CLRN1: variants seen among roughly 807,000 people sequenced by gnomAD.
The protein encoded by CLRN1 is clarin 1, also known as clarin-1.
A neutral mutation model predicts 18.7 loss-of-function variants in CLRN1; 15 were observed. The ratio of observed to expected loss-of-function variants is 0.80; its 90% confidence interval spans 0.54 to 1.23. The LOEUF is 1.23. Ranked by LOEUF, CLRN1 falls within the 50% of genes most tolerant of loss-of-function variation. The pLI is 0.00. For missense variants in CLRN1, 311 were observed against 277.5 expected (o/e 1.12, Z -0.86); for synonymous variants, 104 against 102.9 (o/e 1.01, Z -0.07).
At chr3:150,969,314 T>TATATATATATATATATATATATATATA (rs1491446852) in intron 1 of CLRN1, among the ~76,000 whole-genome samples, 5 of 35,880 alleles carry the variant, frequency 1.4e-4, no homozygotes, top group East Asian at 2.0e-3. Context: ...TATATATATA[T>TATATATATATATATATATATATATATA]TTTTTTTTTT....
intron 2 of CLRN1, among the ~76,000 whole-genome samples, chr3:150,938,862 T>C (rs1180982829): frequency 3.3e-5 from 5 of 152,218 alleles, no homozygotes; most frequent in African/African-American, 1.2e-4. Context: ...GTGCTCAGGT[T>C]CTCCTTGCAT....
intron 1 of CLRN1, among the ~76,000 whole-genome samples, chr3:150,967,063 AC>A (rs1311599654): frequency 6.6e-6 from 1 of 152,142 alleles, no homozygotes; most frequent in African/African-American, 2.4e-5. Context: ...GCAGAGACCC[AC>A]CTCAAATCCA....
In CLRN1 at chr3:150,931,779, T is replaced by C. The variant is rs114713654; in HGVS notation, c.434-3578A>G. Among the ~76,000 whole-genome samples the C allele has an allele frequency of 2.2e-3, 332 of 152,308 alleles. 2 individuals carry two copies. The highest frequency in any genetic ancestry group is 7.7e-3 in the African/African-American group (321 of 41,556). Reference sequence around the variant, plus strand: ...GTCTCTCTCCTCTTTTTCCCAGTTATCCATGTACACCAAGAGCCCAAATTC... The same window carrying C: ...GTCTCTCTCCTCTTTTTCCCAGTTACCCATGTACACCAAGAGCCCAAATTC... On this transcript the variant is annotated intron_variant, in intron 2 of 2. Transcript: ENST00000327047.
chr3:150,972,843 T>G, upstream of CLRN1: 2 of 1,203,496 alleles, frequency 1.7e-6, no homozygotes, highest in Non-Finnish European at 2.4e-6. Context: ...AACTTCACCA[T>G]CGACGGTTCT....
intron 2 of CLRN1, among the ~76,000 whole-genome samples, chr3:150,940,828 T>C (rs1416168745): frequency 6.6e-6 from 1 of 152,218 alleles, no homozygotes; most frequent in Admixed American, 6.5e-5. Flanking sequence ...GCCCTAGCTA[T>C]TGAGTAGCAC....
chr3:150,945,267 A>G (rs1228193442), intron 1 of CLRN1, among the ~76,000 whole-genome samples: 4 of 152,238 alleles, frequency 2.6e-5, no homozygotes, highest in Non-Finnish European at 5.9e-5. Context: ...AGCACAGAAG[A>G]GGAGAAAACC....
At chr3:150,928,339 T>A in intron 2 of CLRN1, 138 bp from the exon 3 acceptor site, 1 of 1,104,344 alleles carries the variant, frequency 9.1e-7, no homozygotes, top group Non-Finnish European at 1.3e-6. Flanking sequence ...TATTGCATAT[T>A]TGTAATCATG....
At position 150,926,723 on chromosome 3, in the gene CLRN1, T is replaced by C. The variant is rs777960734; in HGVS notation, c.*1213A>G. 1 of 1,446,542 alleles carries C rather than the reference T, an allele frequency of 6.9e-7. No individual in the cohort carries two copies. Among genetic ancestry groups the C allele is most frequent in the Non-Finnish European group, 9.7e-7 (1 of 1,029,510 alleles). 89.6% of individuals were successfully genotyped at this position (1,446,542 alleles called of 1,614,324 possible). ...AAGGAGTACTTTCAAACCTATTATA[T>C]GAGGGCTGCTGAGTACTCAGCACCT... On this transcript the variant is annotated 3_prime_UTR_variant, in exon 3 of 3. Coordinates refer to ENST00000327047, the MANE Select transcript of CLRN1 (RefSeq NM_174878.3).
At chr3:150,972,342 A>C in intron 1 of CLRN1, 114 bp downstream of exon 1, 1 of 1,367,274 alleles carries the variant, frequency 7.3e-7, no homozygotes. Context: ...TATGGTTCAC[A>C]CCGATTTAAA....
intron 1 of CLRN1, among the ~76,000 whole-genome samples, chr3:150,960,424 T>C (rs1294165479): frequency 6.6e-6 from 1 of 152,146 alleles, no homozygotes; most frequent in Non-Finnish European, 1.5e-5. Context: ...CAAGGAATCC[T>C]CCATAGTAGT....
chr3:150,952,366 T>G (rs1196774073), intron 1 of CLRN1, among the ~76,000 whole-genome samples: 1 of 152,184 alleles, frequency 6.6e-6, no homozygotes, highest in South Asian at 2.1e-4. Flanking sequence ...ACCGATACTC[T>G]ACAGTGTCCT....
chr3:150,960,677 T>A (rs1202067178), intron 1 of CLRN1, among the ~76,000 whole-genome samples: 1 of 152,222 alleles, frequency 6.6e-6, no homozygotes, highest in Non-Finnish European at 1.5e-5. Flanking sequence ...TCTAAAATGA[T>A]CTTTGGACTG....
At position 150,927,304 on chromosome 3, in the gene CLRN1, G is replaced by A. The variant is rs1485105057; in HGVS notation, c.*632C>T. The A allele has an allele frequency of 5.3e-6, 2 of 376,820 alleles. No homozygotes were observed. Among genetic ancestry groups the A allele is most frequent in the South Asian group, 4.2e-5 (2 of 47,350 alleles). The allele number at this position is 376,820 out of a possible 1,614,324, so 23.3% of individuals were successfully genotyped here. On this transcript the variant is annotated 3_prime_UTR_variant, in exon 3 of 3. Transcript: ENST00000327047. Reference sequence around the variant, plus strand: ...TATATTTATTTTATTTTTTAATTTTGTTAGTGACAGGGTCTCACTTTATTG... The same window carrying A: ...TATATTTATTTTATTTTTTAATTTTATTAGTGACAGGGTCTCACTTTATTG...
intron 1 of CLRN1, among the ~76,000 whole-genome samples, chr3:150,958,522 C>T (rs1714864426): frequency 6.6e-6 from 1 of 152,208 alleles, no homozygotes; most frequent in African/African-American, 2.4e-5. Context: ...CCTTCCTCTC[C>T]AGTCTTACCT....
chr3:150,936,096 G>C (rs1254516771), intron 2 of CLRN1, among the ~76,000 whole-genome samples: 1 of 151,996 alleles, frequency 6.6e-6, no homozygotes, highest in Non-Finnish European at 1.5e-5. Flanking sequence ...TTTGTGGGTT[G>C]CCTGTTCACT....
chr3:150,938,321 C>A (rs111870727), intron 2 of CLRN1, among the ~76,000 whole-genome samples: 3 of 152,260 alleles, frequency 2.0e-5, no homozygotes, highest in African/African-American at 7.2e-5. Context: ...CAGTCTCTGG[C>A]CTCTGAGTGT....
chr3:150,938,851 T>A (rs1311114072), intron 2 of CLRN1, among the ~76,000 whole-genome samples: 2 of 152,246 alleles, frequency 1.3e-5, no homozygotes, highest in Non-Finnish European at 2.9e-5. Context: ...CATATATTTG[T>A]GTGCTCAGGT....
chr3:150,961,474 T>C (rs1032312355), intron 1 of CLRN1, among the ~76,000 whole-genome samples: 1 of 152,174 alleles, frequency 6.6e-6, no homozygotes, highest in Non-Finnish European at 1.5e-5. Context: ...CTTTTTGCCT[T>C]CATCTGGCCA....
At chr3:150,952,720 A>G (rs941849187) in intron 1 of CLRN1, among the ~76,000 whole-genome samples, 4 of 152,174 alleles carry the variant, frequency 2.6e-5, no homozygotes, top group African/African-American at 4.8e-5. Context: ...TAGGGTGGCT[A>G]GGTTTAGCCT....
Sources: allele counts gnomAD v4.1 joint callset (sites outside exome capture counted in the v4.1 genomes callset), GRCh38; gene constraint gnomAD v4.1.1; transcripts MANE v1.5; gene names NCBI Gene and HGNC (gene_info 2026-07-23, HGNC 2026-07-21).